PTPRE: variants seen among roughly 807,000 people sequenced by gnomAD.
PTPRE encodes receptor-type tyrosine-protein phosphatase epsilon.
A neutral mutation model predicts 102.0 loss-of-function variants in PTPRE; 51 were observed. The ratio of observed to expected loss-of-function variants is 0.50; its 90% CI spans 0.40 to 0.63. The LOEUF is 0.63. PTPRE is among the 30% of genes least tolerant of loss of function. PTPRE has a pLI of 0.00. For missense variants in PTPRE, 752 were observed against 915.1 expected, an observed-to-expected ratio of 0.82 and a Z score of 2.30; for synonymous variants, 345 against 348.2, an observed-to-expected ratio of 0.99 and a Z score of 0.10.
At chr10:127,919,822 TTTA>T (rs745534570) in intron 1 of PTPRE, among the ~76,000 whole-genome samples, 3 of 152,184 alleles carry the variant, frequency 2.0e-5, no homozygotes, top group Non-Finnish European at 4.4e-5. Context: ...TTACAAATGA[TTTA>T]TTATTGGTTA....
chr10:128,045,910 G>T (rs775944725), intron 3 of PTPRE, among the ~76,000 whole-genome samples: 3 of 152,200 alleles, frequency 2.0e-5, no homozygotes, highest in Non-Finnish European at 4.4e-5. Flanking sequence ...AGGCTGCCAG[G>T]CTACTGACAC....
At chr10:127,960,738 A>G (rs1228073231) in intron 1 of PTPRE, among the ~76,000 whole-genome samples, 1 of 152,158 alleles carries the variant, frequency 6.6e-6, no homozygotes, top group African/African-American at 2.4e-5. Context: ...AAAAATACAG[A>G]AACAGCCGGG....
intron 16 of PTPRE, among the ~76,000 whole-genome samples, chr10:128,072,880 C>T (rs1850905167): frequency 6.6e-6 from 1 of 152,144 alleles, no homozygotes; most frequent in East Asian, 1.9e-4. Flanking sequence ...GTGTTCAGGG[C>T]ACACAGAGGC....
intron 1 of PTPRE, among the ~76,000 whole-genome samples, chr10:127,965,381 G>GA (rs969934991): frequency 9.2e-5 from 14 of 151,550 alleles, no homozygotes; most frequent in African/African-American, 3.4e-4. Context: ...GTGGAAATGT[G>GA]AAAAAAGCCT....
At chr10:127,988,747 A>G (rs1467174584) in intron 2 of PTPRE, among the ~76,000 whole-genome samples, 2 of 152,230 alleles carry the variant, frequency 1.3e-5, no homozygotes, top group Non-Finnish European at 2.9e-5. Flanking sequence ...TATTGGGGTG[A>G]TAGGTTCAAT....
chr10:127,964,327 G>A (rs1812887), intron 1 of PTPRE, among the ~76,000 whole-genome samples: 18,893 of 151,952 alleles, frequency 0.12, 1,312 homozygotes, highest in Admixed American at 0.17. Flanking sequence ...CCACCACCGC[G>A]CCCAGCTAGT....
intron 1 of PTPRE, among the ~76,000 whole-genome samples, chr10:127,966,760 T>G (rs552476587): frequency 6.6e-6 from 1 of 152,182 alleles, no homozygotes; most frequent in African/African-American, 2.4e-5. Flanking sequence ...AGCTGAGGCC[T>G]GGACCAACAC....
At chr10:128,038,577 G>T (rs1590097456) in intron 2 of PTPRE, among the ~76,000 whole-genome samples, 2 of 149,878 alleles carry the variant, frequency 1.3e-5, no homozygotes, top group African/African-American at 4.9e-5. Flanking sequence ...AAACACCACA[G>T]GTTCTCACTC....
chr10:128,079,316 CT>C (rs1323376793), intron 19 of PTPRE, among the ~76,000 whole-genome samples: 4 of 152,174 alleles, frequency 2.6e-5, no homozygotes, highest in African/African-American at 9.7e-5. Context: ...GTCACTGGTC[CT>C]GTCTCATTTT....
At chr10:128,014,441 G>T (rs977928047) in intron 2 of PTPRE, among the ~76,000 whole-genome samples, 1 of 152,124 alleles carries the variant, frequency 6.6e-6, no homozygotes, top group African/African-American at 2.4e-5. Flanking sequence ...CGTGTATCGA[G>T]GGGGACATTG....
In PTPRE at chr10:128,001,078, A is replaced by G. The variant is rs368891552; in HGVS notation, c.-8+18782A>G. 2.6e-5 allele frequency among the ~76,000 whole-genome samples: 4 copies of G among 152,238 alleles called. No homozygotes were observed. The East Asian group carries it at 5.8e-4, about 22-fold the overall frequency. On this transcript the variant is annotated intron_variant, in intron 2 of 20. Coordinates refer to ENST00000254667, the MANE Select transcript of PTPRE (RefSeq NM_006504.6). ...CTAAGAGAGAATATTTGGCTATTTC[A>G]TATTAGAGAAACTAGGCTAAAACAA...
chr10:127,995,654 C>A (rs148996892), intron 2 of PTPRE, among the ~76,000 whole-genome samples: 1 of 152,278 alleles, frequency 6.6e-6, no homozygotes, highest in East Asian at 1.9e-4. Flanking sequence ...AACGATGCTG[C>A]AACATTTGAT....
intron 11 of PTPRE, among the ~76,000 whole-genome samples, chr10:128,067,804 GC>G (rs1850400890): frequency 6.6e-6 from 1 of 152,216 alleles, no homozygotes; most frequent in Admixed American, 6.5e-5. Flanking sequence ...GGCAAGATGG[GC>G]CATGGCCGCC....
chr10:128,079,949 C>T (rs1031173428), intron 20 of PTPRE, among the ~76,000 whole-genome samples: 3 of 152,258 alleles, frequency 2.0e-5, no homozygotes, highest in Non-Finnish European at 2.9e-5. Flanking sequence ...TGAGACCACT[C>T]GGAGAGACGC....
intron 1 of PTPRE, among the ~76,000 whole-genome samples, chr10:127,911,654 A>G (rs1378042674): frequency 1.3e-5 from 2 of 152,172 alleles, no homozygotes; most frequent in East Asian, 3.9e-4. Flanking sequence ...ACCACTGGGC[A>G]GGAAGGGCTG....
intron 17 of PTPRE, among the ~76,000 whole-genome samples, chr10:128,074,709 T>C (rs1400580998): frequency 6.6e-6 from 1 of 152,162 alleles, no homozygotes; most frequent in East Asian, 1.9e-4. Flanking sequence ...GTAGTAGTTT[T>C]TGTATGGACA....
intron 5 of PTPRE, 113 bp from the exon 6 acceptor site, chr10:128,049,415 CTG>C (rs1264661482): frequency 7.5e-7 from 1 of 1,333,108 alleles, no homozygotes; most frequent in Non-Finnish European, 1.0e-6. Context: ...TTTGAGAGAA[CTG>C]TTCCAGCTCC....
At chr10:128,065,911 CA>C (rs576083611) in intron 10 of PTPRE, among the ~76,000 whole-genome samples, 163 bp from the exon 11 acceptor site, 64 of 152,206 alleles carry the variant, frequency 4.2e-4, no homozygotes, top group Non-Finnish European at 8.2e-4. Context: ...TACGCAGCCT[CA>C]GTTTCCCCAT....
At chr10:127,978,061 T>C (rs527724076) in intron 1 of PTPRE, among the ~76,000 whole-genome samples, 2 of 152,336 alleles carry the variant, frequency 1.3e-5, no homozygotes, top group African/African-American at 4.8e-5. Flanking sequence ...CTTTCCTTTC[T>C]GGAGGAGAGA....
Sources: gnomAD v4.1 joint callset for allele counts (sites outside exome capture counted in the v4.1 genomes callset) on GRCh38, gnomAD v4.1.1 for gene constraint, MANE v1.5 for transcripts, NCBI Gene and HGNC (gene_info 2026-07-23, HGNC 2026-07-21) for gene names.